Variants in KSR2 observed in about 807,000 individuals in gnomAD.
The protein encoded by KSR2 is kinase suppressor of ras 2.
KSR2 carries 25 observed loss-of-function variants against 107.8 expected under a neutral mutation model. The observed-to-expected ratio is 0.23, with a 90% CI of 0.17 to 0.32. The LOEUF is 0.32. KSR2 is among the 10% of genes least tolerant of loss of function. The pLI, the probability that KSR2 is intolerant of heterozygous loss-of-function variation, is 1.00. For missense variants in KSR2, 887 were observed against 1,268.9 expected (o/e 0.70, Z 4.57); for synonymous variants, 480 against 507.0 (o/e 0.95, Z 0.71).
chr12:117,850,009 T>C (rs1206072678), intron 3 of KSR2, among the ~76,000 whole-genome samples: 3 of 152,224 alleles, frequency 2.0e-5, no homozygotes, highest in African/African-American at 7.2e-5. Flanking sequence ...AAGATACTAG[T>C]TTATTCCTCA....
At chr12:117,547,350 A>G (rs918583294) in intron 9 of KSR2, among the ~76,000 whole-genome samples, 2 of 152,156 alleles carry the variant, frequency 1.3e-5, no homozygotes. Context: ...AAAAGCAGGG[A>G]GCAGACTTGT....
chr12:117,835,394 C>T (rs927034862), intron 3 of KSR2, among the ~76,000 whole-genome samples: 2 of 152,094 alleles, frequency 1.3e-5, no homozygotes, highest in Admixed American at 6.6e-5. Flanking sequence ...ACTAAAGACC[C>T]CTGGGAAAAC....
At chr12:117,717,051 G>A (rs993159353) in intron 4 of KSR2, among the ~76,000 whole-genome samples, 2 of 152,190 alleles carry the variant, frequency 1.3e-5, no homozygotes, top group Non-Finnish European at 2.9e-5. Flanking sequence ...AGAAGCTGAG[G>A]AGTTTGGCAA....
At chr12:117,672,857 T>C (rs1324582567) in intron 4 of KSR2, among the ~76,000 whole-genome samples, 1 of 152,194 alleles carries the variant, frequency 6.6e-6, no homozygotes, top group African/African-American at 2.4e-5. Flanking sequence ...ACTCCTGACC[T>C]TGTGATCTGC....
chr12:117,656,122 A>C (rs377315766), intron 5 of KSR2, among the ~76,000 whole-genome samples: 4 of 152,242 alleles, frequency 2.6e-5, no homozygotes, highest in African/African-American at 9.6e-5. Flanking sequence ...TATAACTGTC[A>C]TGAGTATTTC....
At chr12:117,677,398 A>C (rs1885178923) in intron 4 of KSR2, 1 of 152,264 alleles carries the variant, frequency 6.6e-6, no homozygotes, top group Admixed American at 6.5e-5. Context: ...GGATGTATAG[A>C]AGCCGCCATG....
chr12:117,793,549 GCA>G (rs548205423), intron 3 of KSR2, among the ~76,000 whole-genome samples: 54 of 125,938 alleles, frequency 4.3e-4, no homozygotes, highest in South Asian at 1.1e-3. Context: ...ACGCCAACAT[GCA>G]CACTCACACC....
At chr12:117,498,616 G>A (rs1255116362) in intron 14 of KSR2, among the ~76,000 whole-genome samples, 2 of 152,122 alleles carry the variant, frequency 1.3e-5, no homozygotes, top group African/African-American at 4.8e-5. Flanking sequence ...ATACGATTTG[G>A]CTGTGTCCCC....
chr12:117,759,698 T>C (rs75583491), intron 4 of KSR2, among the ~76,000 whole-genome samples: 1,888 of 152,332 alleles, frequency 0.012, 47 homozygotes, highest in African/African-American at 0.044. Context: ...CTATAAATTG[T>C]CTACTCTAGG....
Position 117,968,307 on chromosome 12 carries a change from A to AGGGG in KSR2, c.-56_-53dup. 7.5e-7 allele frequency: 1 copy of AGGGG among 1,325,524 alleles called. No individual in the cohort carries two copies. The highest frequency in any genetic ancestry group is 9.8e-7 in the Non-Finnish European group (1 of 1,021,938). 82.1% of individuals were successfully genotyped at this position (1,325,524 alleles called of 1,614,324 possible). On this transcript the variant is annotated 5_prime_UTR_variant, in exon 1 of 20. Transcript: ENST00000339824. ...CCTCCTCCTCCCAGAGAGAAAAAAG[A>AGGGG]GGGGGGGGAGTAGAGGTAGTCTACC...
At chr12:117,600,826 A>T (rs762003540) in intron 5 of KSR2, among the ~76,000 whole-genome samples, 1 of 152,018 alleles carries the variant, frequency 6.6e-6, no homozygotes, top group Non-Finnish European at 1.5e-5. Flanking sequence ...CACCCTGGGG[A>T]GAGGGCAGGC....
intron 10 of KSR2, among the ~76,000 whole-genome samples, chr12:117,536,746 G>T (rs1009883075): frequency 6.6e-6 from 1 of 152,160 alleles, no homozygotes; most frequent in South Asian, 2.1e-4. Flanking sequence ...TTGGTTATAC[G>T]GATATATGTG....
At chr12:117,521,869 G>A (rs1419464056) in intron 14 of KSR2, among the ~76,000 whole-genome samples, 1 of 152,180 alleles carries the variant, frequency 6.6e-6, no homozygotes, top group Non-Finnish European at 1.5e-5. Context: ...CAAACTGAAC[G>A]TGCAGATAAG....
At chr12:117,926,225 G>A (rs774650615) in intron 1 of KSR2, among the ~76,000 whole-genome samples, 37 of 152,196 alleles carry the variant, frequency 2.4e-4, no homozygotes, top group Non-Finnish European at 4.7e-4. Context: ...GAGAAAAGGG[G>A]AGGAGAAAAC....
At chr12:117,605,920 C>A (rs1294372446) in intron 5 of KSR2, among the ~76,000 whole-genome samples, 3 of 152,110 alleles carry the variant, frequency 2.0e-5, no homozygotes, top group Non-Finnish European at 4.4e-5. Flanking sequence ...GGGAGATGAA[C>A]AAACGGCTTA....
chr12:117,864,818 C>G (rs1253451958), intron 1 of KSR2, among the ~76,000 whole-genome samples: 1 of 152,138 alleles, frequency 6.6e-6, no homozygotes, highest in African/African-American at 2.4e-5. Flanking sequence ...CTAGTATGAA[C>G]TCATCTAAAC....
intron 1 of KSR2, among the ~76,000 whole-genome samples, chr12:117,911,611 T>C (rs1425096028): frequency 6.6e-6 from 1 of 152,232 alleles, no homozygotes; most frequent in African/African-American, 2.4e-5. Flanking sequence ...GACATATCTC[T>C]ATCAAGGACT....
intron 5 of KSR2, among the ~76,000 whole-genome samples, chr12:117,640,281 C>T (rs1220401780): frequency 2.0e-5 from 3 of 151,548 alleles, no homozygotes; most frequent in Non-Finnish European, 2.9e-5. Context: ...CTTGAAGGCT[C>T]GCTCTGTCAC....
At chr12:117,619,708 T>C (rs1282178807) in intron 5 of KSR2, among the ~76,000 whole-genome samples, 1 of 151,332 alleles carries the variant, frequency 6.6e-6, no homozygotes, top group Non-Finnish European at 1.5e-5. Flanking sequence ...AACACACACA[T>C]ATACAGTATG....
Sources: allele counts gnomAD v4.1 joint callset (sites outside exome capture counted in the v4.1 genomes callset), GRCh38; gene constraint gnomAD v4.1.1; transcripts MANE v1.5; gene names NCBI Gene and HGNC (gene_info 2026-07-23, HGNC 2026-07-21).